The following NOP2 variants were observed in gnomAD, a reference collection of about 807,000 sequenced individuals.
NOP2 encodes NOP2 nucleolar protein.
A neutral mutation model predicts 72.7 loss-of-function variants in NOP2; 7 were observed. The observed-to-expected ratio is 0.10, with a 90% CI of 0.05 to 0.18. The LOEUF (loss-of-function observed/expected upper bound fraction) is 0.18. Among genes scored for constraint, NOP2 ranks in the 10% least tolerant of loss-of-function variants. NOP2 has a pLI of 1.00. For missense variants in NOP2, 954 were observed against 1,014.7 expected (o/e 0.94, Z 0.81); for synonymous variants, 387 against 388.0 (o/e 1.00, Z 0.03).
In NOP2 at chr12:6,563,901, C is replaced by G; in HGVS notation, c.520G>C (p.Ala174Pro). ...RAARKQKARE[A>P]AAGIQWSEEE... ...GCTTCCAAAACTCACCCAGCAGCAG[C>G]TTCCCGGGCCTTCTGCTTCCGAGCA... The change falls in exon 6 of 16, where the codon GCT becomes CCT. Residue 174 changes from alanine to proline, a missense_variant. This residue lies in a region of NOP2 where 498 missense variants were observed against 478.3 expected (regional missense o/e 1.04). Transcript: ENST00000322166. 2 of 1,613,866 alleles carry G rather than the reference C, an allele frequency of 1.2e-6. No individual in the cohort carries two copies. The highest frequency in any genetic ancestry group is 1.7e-6 in the Non-Finnish European group (2 of 1,179,824).
chr12:6,566,288 G>T lies in NOP2; in HGVS notation c.287C>A (p.Ser96Tyr). The part of the protein sequence containing the change: ...VQTAGKKGPQ[S>Y]LFNAPRGKKR... ...CTTGCCTCGAGGAGCATTAAATAGG[G>T]ACTGGGGTCCCTTCTTACCAGCTGT... Residue 96 changes from serine (S) to tyrosine (Y), a missense_variant, in exon 5 of 16, where the codon TCC becomes TAC. Physicochemically the swap from Ser to Tyr is moderately radical, Grantham distance 144 (BLOSUM62 -2). This residue lies in a region of NOP2 where 498 missense variants were observed against 478.3 expected (regional missense o/e 1.04). Transcript: ENST00000322166. 1 of 1,613,908 alleles carries T rather than the reference G, an allele frequency of 6.2e-7. No individual in the cohort carries two copies. The highest frequency in any genetic ancestry group is 1.1e-5 in the South Asian group (1 of 91,070).
Position 6,559,468 on chromosome 12 carries a change from C to T in NOP2, c.1789+630G>A, listed in dbSNP as rs183552565. On this transcript the variant is annotated intron_variant, in intron 15 of 15. Transcript: ENST00000322166. Reference sequence around the variant, plus strand: ...TAGTAGAGACAGGGTTTCACCGTGTCGAATTCCTGACCTCAGGTGAGTGCT... The same window carrying T: ...TAGTAGAGACAGGGTTTCACCGTGTTGAATTCCTGACCTCAGGTGAGTGCT... Among the ~76,000 whole-genome samples the T allele has an allele frequency of 2.3e-4, 35 of 152,268 alleles. No homozygotes were observed. In the East Asian group the frequency reaches 4.6e-3, roughly 20 times the overall value.
chr12:6,562,752 A>G (rs904264608), intron 9 of NOP2, among the ~76,000 whole-genome samples: 16 of 152,204 alleles, frequency 1.1e-4, no homozygotes, highest in African/African-American at 3.9e-4. Context: ...TAAAATATTG[A>G]CTGTGCATAT....
In NOP2 at chr12:6,566,322, C is replaced by T; in HGVS notation, c.253G>A (p.Ala85Thr). The change falls in exon 5 of 16, where the codon GCT becomes ACT. Residue 85 changes from alanine (A) to threonine (T), a missense_variant. Physicochemically the swap from Ala to Thr is moderately conservative, Grantham distance 58. Around this residue, in one of 3 missense-constraint regions of NOP2, gnomAD observed 498 missense variants for 478.3 expected, o/e 1.04. Coordinates refer to ENST00000322166, the MANE Select transcript of NOP2 (RefSeq NM_001258308.2). ...GKLPKGISAG[A>T]VQTAGKKGPQ... ...CCCTTCTTACCAGCTGTCTGGACAG[C>T]TCCTGCAGAGATCCCTAAGGGTTTG... The T allele has an allele frequency of 2.5e-6, 4 of 1,613,462 alleles. No homozygotes were observed. Among genetic ancestry groups the T allele is most frequent in the South Asian group, 1.1e-5 (1 of 91,014 alleles).
intron 2 of NOP2, among the ~76,000 whole-genome samples, 198 bp from the exon 3 acceptor site, chr12:6,567,020 C>A (rs1457511320): frequency 6.6e-6 from 1 of 151,618 alleles, no homozygotes. Context: ...GTCTTCCAGG[C>A]TGGAGTGCAA....
chr12:6,565,028 T>C lies in NOP2; in HGVS notation c.474+1073A>G, dbSNP rs988098429. ...ATGGGGACCTTCTCTTTTTATTCTATACGATTCTAATAATACATCCACACA... is the reference window on the plus strand; with the variant it reads ...ATGGGGACCTTCTCTTTTTATTCTACACGATTCTAATAATACATCCACACA... On this transcript the variant is annotated intron_variant, in intron 5 of 15. Coordinates refer to ENST00000322166, the MANE Select transcript of NOP2 (RefSeq NM_001258308.2). Among the ~76,000 whole-genome samples the C allele has an allele frequency of 2.0e-5, 3 of 152,118 alleles. No homozygotes were observed. The South Asian group carries it at 6.2e-4, about 32-fold the overall frequency.
chr12:6,559,313 G>A (rs1947586126), intron 15 of NOP2, among the ~76,000 whole-genome samples: 1 of 152,134 alleles, frequency 6.6e-6, no homozygotes, highest in Non-Finnish European at 1.5e-5. Flanking sequence ...AGAGATGGGG[G>A]TTTCACTGTG....
intron 2 of NOP2, 91 bp from the exon 3 acceptor site, chr12:6,566,913 C>T (rs1947794598): frequency 6.0e-6 from 6 of 1,008,266 alleles, no homozygotes; most frequent in African/African-American, 1.6e-5. Flanking sequence ...AGAATTAGTA[C>T]ACTAATTAAA....
Position 6,560,717 on chromosome 12 carries a change from G to C in NOP2, c.1418C>G (p.Pro473Arg). The C allele has an allele frequency of 1.2e-6, 2 of 1,613,514 alleles. No individual in the cohort carries two copies. The highest frequency in any genetic ancestry group is 2.2e-5 in the South Asian group (2 of 90,972). Residue 473 changes from proline to arginine, a missense_variant, in exon 13 of 16, where the codon CCA becomes CGA. This residue lies in a region of NOP2 where 187 missense variants were observed against 276.2 expected (regional missense o/e 0.68). Transcript: ENST00000322166. The surrounding 1 kb of genome is among the most constrained non-coding windows in gnomAD (Gnocchi z 5.0). ...CSGTGVISKD[P>R]AVKTNKDEKD... The stretch of plus-strand genomic sequence containing the variant: ...CCTCACCTTGTTAGTCTTCACGGCT[G>C]GATCCTTGGAGATGACCCCAGTGCC...
At chr12:6,561,515 GGCCGACTCCAGAAACTGGT>G in intron 11 of NOP2, 130 bp downstream of exon 11, 2 of 944,844 alleles carry the variant, frequency 2.1e-6, no homozygotes, top group African/African-American at 1.6e-5. Context: ...CTGGAACCCA[GGCCGACTCCAGAAACTGGT>G]CCTCACCACC....
At chr12:6,564,586 C>T (rs1190058243) in intron 5 of NOP2, among the ~76,000 whole-genome samples, 1 of 151,992 alleles carries the variant, frequency 6.6e-6, no homozygotes, top group Non-Finnish European at 1.5e-5. Flanking sequence ...CACCACCATG[C>T]CCAGCTAATT....
chr12:6,567,935 G>C lies in NOP2; in HGVS notation c.-4-13C>G. The C allele has an allele frequency of 6.2e-7, 1 of 1,601,264 alleles. No individual in the cohort carries two copies. Among genetic ancestry groups the C allele is most frequent in the African/African-American group, 1.3e-5 (1 of 74,676 alleles). ...GCGCCCCATGGTACTGTGGCAGGCA[G>C]AAATGGGAGAAGGTGGCGTCGCGCG... On this transcript the variant is annotated splice_polypyrimidine_tract_variant and intron_variant, in intron 1 of 15. Transcript: ENST00000322166.
At chr12:6,564,274 T>TAAAAA in intron 5 of NOP2, 1 of 55,436 alleles carries the variant, frequency 1.8e-5, no homozygotes, top group Non-Finnish European at 3.1e-5. Flanking sequence ...AGACTTCATC[T>TAAAAA]CAAAAAAAAA....
Position 6,563,412 on chromosome 12 carries a change from G to A in NOP2, c.791C>T (p.Ser264Phe), listed in dbSNP as rs1483988669. 1.9e-6 allele frequency: 3 copies of A among 1,607,720 alleles called. No homozygotes were observed. ...CTTCTTGAGCCGGTTCAGGTATTCA[G>A]AACGAGACCGCCCTTCCTCCCGCTG... Reference protein sequence around the residue: ...GAQREEGRSRSEYLNRLKKDL... With the variant: ...GAQREEGRSRFEYLNRLKKDL... The change falls in exon 8 of 16, where the codon TCT becomes TTT. Residue 264 changes from serine to phenylalanine, a missense_variant. Physicochemically the swap from Ser to Phe is radical, Grantham distance 155. Transcript: ENST00000322166.
intron 15 of NOP2, 105 bp downstream of exon 15, chr12:6,559,993 G>C: frequency 1.2e-6 from 1 of 817,332 alleles, no homozygotes; most frequent in Non-Finnish European, 2.0e-6. Flanking sequence ...GCTGGAGTAA[G>C]GGATGCATGA....
intron 15 of NOP2, among the ~76,000 whole-genome samples, chr12:6,559,864 G>A (rs1157745998): frequency 6.6e-6 from 1 of 152,334 alleles, no homozygotes; most frequent in East Asian, 1.9e-4. Flanking sequence ...GCAGCCACTT[G>A]GCAGAATAAA....
chr12:6,563,125 G>T lies in NOP2; in HGVS notation c.934C>A (p.Leu312Ile). The T allele has an allele frequency of 1.3e-6, 2 of 1,598,638 alleles. No individual in the cohort carries two copies. The highest frequency in any genetic ancestry group is 1.7e-6 in the Non-Finnish European group (2 of 1,172,876). Residue 312 changes from leucine to isoleucine, a missense_variant, in exon 9 of 16, where the codon CTC (leucine) becomes ATC (isoleucine). Leu to Ile is a conservative substitution (Grantham distance 5). Around this residue, in one of 3 missense-constraint regions of NOP2, gnomAD observed 498 missense variants for 478.3 expected, o/e 1.04. Coordinates refer to ENST00000322166, the MANE Select transcript of NOP2 (RefSeq NM_001258308.2). Reference sequence around the variant, plus strand: ...CGGGTTTTCAAGGTATTGGTCCGGAGGGTGACGGGCCGAGGCACCTCATTA... The same window carrying T: ...CGGGTTTTCAAGGTATTGGTCCGGATGGTGACGGGCCGAGGCACCTCATTA... ...EANEVPRPVT[L>I]RTNTLKTRRR...
intron 2 of NOP2, among the ~76,000 whole-genome samples, chr12:6,567,185 G>A (rs551854313): frequency 5.3e-5 from 8 of 152,182 alleles, no homozygotes; most frequent in Admixed American, 2.6e-4. Flanking sequence ...CTGGACCTCA[G>A]GTGATCCACC....
intron 2 of NOP2, 64 bp downstream of exon 2, chr12:6,567,747 AAAGAG>A: frequency 8.2e-7 from 1 of 1,226,018 alleles, no homozygotes; most frequent in South Asian, 1.3e-5. Context: ...AGAAACTAAA[AAAGAG>A]AAGAGGTTAT....
Sources: allele counts gnomAD v4.1 joint callset (sites outside exome capture counted in the v4.1 genomes callset), GRCh38; gene constraint gnomAD v4.1.1; regional missense constraint gnomAD v4.1.1; non-coding constraint Gnocchi (gnomAD v3.1); transcripts MANE v1.5; gene names NCBI Gene and HGNC (gene_info 2026-07-23, HGNC 2026-07-21).